The following HORMAD1 variants were observed in gnomAD, a reference collection of about 807,000 sequenced individuals.
HORMAD1 encodes HORMA domain containing 1, also known as HORMA domain-containing protein 1.
In HORMAD1, 33 loss-of-function variants were observed where a neutral mutation model predicts 58.2. The ratio of observed to expected loss-of-function variants is 0.57; its 90% CI spans 0.43 to 0.76. The LOEUF is 0.76. Among genes scored for constraint, HORMAD1 ranks in the 30% least tolerant of loss-of-function variants. The pLI is 0.00. For missense variants in HORMAD1, 363 were observed against 462.0 expected, an observed-to-expected ratio of 0.79 and a Z score of 1.96; for synonymous variants, 137 against 144.6, an observed-to-expected ratio of 0.95 and a Z score of 0.38.
Position 150,706,538 on chromosome 1 carries a change from T to G in HORMAD1, c.804+15A>C. 6.3e-7 allele frequency: 1 copy of G among 1,576,580 alleles called. No homozygotes were observed. The highest frequency in any genetic ancestry group is 8.7e-7 in the Non-Finnish European group (1 of 1,155,566). ...TTGTTATTATTGTTCTTTATAACTC[T>G]TGAAATACACTTACACTTGTATAAT... On this transcript the variant is annotated intron_variant, in intron 10 of 14. Transcript: ENST00000361824.
At chr1:150,703,687 A>G (rs1651602869) in intron 12 of HORMAD1, among the ~76,000 whole-genome samples, 1 of 152,214 alleles carries the variant, frequency 6.6e-6, no homozygotes, top group African/African-American at 2.4e-5. Context: ...GGCTGGGCAG[A>G]GGAAGACAGA....
At chr1:150,705,065 AAAAC>A (rs913709904) in intron 10 of HORMAD1, among the ~76,000 whole-genome samples, 8 of 152,074 alleles carry the variant, frequency 5.3e-5, no homozygotes, top group Admixed American at 1.3e-4. Context: ...AAAACAAAAC[AAAAC>A]AAACAAACCA....
At position 150,708,376 on chromosome 1, in the gene HORMAD1, A is replaced by G; in HGVS notation, c.427T>C (p.Ser143Pro). 1 of 1,607,316 alleles carries G rather than the reference A, an allele frequency of 6.2e-7. No individual in the cohort carries two copies. The highest frequency in any genetic ancestry group is 8.5e-7 in the Non-Finnish European group (1 of 1,176,958). The change falls in exon 9 of 15, where the codon TCT becomes CCT. Residue 143 changes from serine to proline, a missense_variant. This residue lies in a region of HORMAD1 where 128 missense variants were observed against 171.8 expected (regional missense o/e 0.74). Transcript: ENST00000361824. The part of the protein sequence containing the change: ...KNQSNESSML[S>P]TDTKKASILL... ...ATGCTTGCTTTCTTGGTGTCAGTAG[A>G]CAACATGCTAGATTCGTTGCTTTGG...
intron 12 of HORMAD1, 84 bp downstream of exon 12, chr1:150,704,034 G>T (rs1651610895): frequency 1.2e-6 from 1 of 853,306 alleles, no homozygotes; most frequent in Non-Finnish European, 1.8e-6. Context: ...CCTGGAATAA[G>T]AAAATCTGAA....
intron 7 of HORMAD1, among the ~76,000 whole-genome samples, chr1:150,709,551 G>A (rs1651797404): frequency 6.6e-6 from 1 of 152,206 alleles, no homozygotes; most frequent in Admixed American, 6.5e-5. Flanking sequence ...GCGGGGTATT[G>A]TCCAAGGTTT....
chr1:150,717,284 T>C lies in HORMAD1; in HGVS notation c.34-2A>G. The C allele has an allele frequency of 6.6e-7, 1 of 1,519,788 alleles. No homozygotes were observed. The highest frequency in any genetic ancestry group is 2.4e-5 in the East Asian group (1 of 42,434). The allele number at this position is 1,519,788 out of a possible 1,614,324, so 94.1% of individuals were successfully genotyped here. On this transcript the variant is annotated splice_acceptor_variant, in intron 2 of 14. Coordinates refer to ENST00000361824, the MANE Select transcript of HORMAD1 (RefSeq NM_032132.5). LOFTEE classifies it high-confidence loss of function. ...CTTATTGGGAAATACCAGTGCACTC[T>C]AAAATTCAAGGGAAAGTAGAACACT... is the stretch of plus-strand genomic sequence containing the variant.
At chr1:150,717,440 A>G (rs1652115707) in intron 2 of HORMAD1, 158 bp from the exon 3 acceptor site, 7 of 416,430 alleles carry the variant, frequency 1.7e-5, no homozygotes, top group East Asian at 1.5e-4. Context: ...AGCGGCATGT[A>G]AAATGTGAGG....
intron 12 of HORMAD1, 42 bp downstream of exon 12, chr1:150,704,076 T>C: frequency 2.2e-6 from 3 of 1,360,966 alleles, no homozygotes; most frequent in Non-Finnish European, 2.0e-6. Flanking sequence ...GCAACTGTCC[T>C]GTGAACAAAA....
intron 12 of HORMAD1, 60 bp from the exon 13 acceptor site, chr1:150,703,453 C>A: frequency 1.1e-6 from 1 of 909,602 alleles, no homozygotes; most frequent in Non-Finnish European, 1.7e-6. Context: ...TTTCATAACA[C>A]AATAAATGGG....
intron 2 of HORMAD1, among the ~76,000 whole-genome samples, chr1:150,719,000 T>A: frequency 0.02 from 2 of 100 alleles, 1 homozygote; most frequent in Non-Finnish European, 1. Flanking sequence ...CTCACGCCTG[T>A]AATCCCAGCA....
chr1:150,708,193 C>T, intron 9 of HORMAD1, 63 bp downstream of exon 9: 2 of 1,258,996 alleles, frequency 1.6e-6, no homozygotes, highest in East Asian at 2.7e-5. Context: ...GAATGGAAAC[C>T]AATTGTTTCA....
chr1:150,717,016 G>A lies in HORMAD1; in HGVS notation c.178+122C>T, dbSNP rs1408421001. ...TTTAAACAAGTGAACTGTCAGGTAC[G>A]TGAATTGTATTAATAAAGCTTCTAT... is the stretch of plus-strand genomic sequence containing the variant. On this transcript the variant is annotated intron_variant, in intron 3 of 14. Coordinates refer to ENST00000361824, the MANE Select transcript of HORMAD1 (RefSeq NM_032132.5). The A allele has an allele frequency of 9.9e-6, 5 of 506,400 alleles. No individual in the cohort carries two copies. The East Asian group carries it at 1.0e-4, about 11-fold the overall frequency. 31.4% of individuals were successfully genotyped at this position (506,400 alleles called of 1,614,324 possible). A position where few individuals can be genotyped will look rare whatever the true frequency, so the allele number is the denominator to read the frequency against.
intron 9 of HORMAD1, 70 bp downstream of exon 9, chr1:150,708,186 T>C (rs1419028613): frequency 8.1e-7 from 1 of 1,236,488 alleles, no homozygotes; most frequent in East Asian, 2.6e-5. Context: ...ATATTTGGAA[T>C]GGAAACCAAT....
intron 13 of HORMAD1, among the ~76,000 whole-genome samples, chr1:150,700,849 C>T (rs1651516032): frequency 6.6e-6 from 1 of 151,848 alleles, no homozygotes; most frequent in South Asian, 2.1e-4. Context: ...TTTTTTAATC[C>T]ATTCATCTGT....
intron 14 of HORMAD1, 124 bp downstream of exon 14, chr1:150,699,988 T>C (rs987491719): frequency 4.0e-6 from 2 of 501,408 alleles, no homozygotes; most frequent in African/African-American, 2.0e-5. Flanking sequence ...TTAAACAAAA[T>C]TTGAATATCA....
rs1276759704 is a variant in HORMAD1, at chr1:150,706,452, T to C, written c.804+101A>G. 1.1e-5 allele frequency: 11 copies of C among 1,031,960 alleles called. No individual in the cohort carries two copies. The Admixed American group carries it at 1.2e-4, about 11-fold the overall frequency. 63.9% of individuals were successfully genotyped at this position (1,031,960 alleles called of 1,614,324 possible). A position where few individuals can be genotyped will look rare whatever the true frequency, so the allele number is the denominator to read the frequency against. On this transcript the variant is annotated intron_variant, in intron 10 of 14. Transcript: ENST00000361824. ...TTCAACCTTGAGTTTATGATTATAATACAGAATTTACACAAATGTTAATGG... is the reference window on the plus strand; with the variant it reads ...TTCAACCTTGAGTTTATGATTATAACACAGAATTTACACAAATGTTAATGG...
intron 1 of HORMAD1, 25 bp from the exon 2 acceptor site, chr1:150,719,563 A>G (rs1450633172): frequency 8.2e-7 from 1 of 1,220,266 alleles, no homozygotes; most frequent in African/African-American, 1.5e-5. Flanking sequence ...ACAAGCTTTA[A>G]CTTAGAGCTC....
chr1:150,704,630 C>G (rs1200865789), intron 10 of HORMAD1, among the ~76,000 whole-genome samples: 1 of 151,988 alleles, frequency 6.6e-6, no homozygotes, highest in Non-Finnish European at 1.5e-5. Context: ...TTTCTGTCAC[C>G]TGAGGCTGAG....
intron 7 of HORMAD1, among the ~76,000 whole-genome samples, chr1:150,710,938 C>T (rs1282991678): frequency 6.6e-6 from 1 of 152,172 alleles, no homozygotes; most frequent in Non-Finnish European, 1.5e-5. Context: ...AGGCAAGAAA[C>T]CCCTTGTACT....
Sources: allele counts gnomAD v4.1 joint callset (sites outside exome capture counted in the v4.1 genomes callset), GRCh38; gene constraint gnomAD v4.1.1; regional missense constraint gnomAD v4.1.1; transcripts MANE v1.5; gene names NCBI Gene and HGNC (gene_info 2026-07-23, HGNC 2026-07-21).